Variants in SLC24A3 observed in about 807,000 individuals in gnomAD.
The protein encoded by SLC24A3 is solute carrier family 24 member 3.
SLC24A3 carries 28 observed loss-of-function variants against 75.8 expected under a neutral mutation model. That is an observed-to-expected ratio of 0.37 (90% CI 0.27 to 0.51). SLC24A3 has a LOEUF of 0.51. Among genes scored for constraint, SLC24A3 ranks in the 20% least tolerant of loss-of-function variants. SLC24A3 has a pLI of 0.94. For missense variants in SLC24A3, 663 were observed against 847.8 expected, an observed-to-expected ratio of 0.78 and a Z score of 2.71; for synonymous variants, 372 against 334.1, an observed-to-expected ratio of 1.11 and a Z score of -1.24.
At chr20:19,678,210 A>G (rs1190491607) in intron 9 of SLC24A3, among the ~76,000 whole-genome samples, 1 of 150,696 alleles carries the variant, frequency 6.6e-6, no homozygotes, top group Non-Finnish European at 1.5e-5. Flanking sequence ...CCCGTTCTCA[A>G]TGAGCTGTTG....
At chr20:19,314,517 G>A (rs948582998) in intron 2 of SLC24A3, among the ~76,000 whole-genome samples, 7 of 151,950 alleles carry the variant, frequency 4.6e-5, no homozygotes, top group Non-Finnish European at 8.8e-5. Context: ...GTTTCACCAT[G>A]TTACCTAGGC....
At chr20:19,392,065 T>G (rs1227757015) in intron 2 of SLC24A3, among the ~76,000 whole-genome samples, 1 of 152,194 alleles carries the variant, frequency 6.6e-6, no homozygotes, top group Non-Finnish European at 1.5e-5. Context: ...TGCCTAGGTG[T>G]CGGGGGCACA....
intron 2 of SLC24A3, among the ~76,000 whole-genome samples, chr20:19,305,427 A>G (rs1984301236): frequency 6.6e-6 from 1 of 151,958 alleles, no homozygotes; most frequent in African/African-American, 2.4e-5. Flanking sequence ...ATCACATGCT[A>G]AGAGTGAATG....
At chr20:19,451,882 A>C (rs1213319124) in intron 2 of SLC24A3, among the ~76,000 whole-genome samples, 2 of 152,184 alleles carry the variant, frequency 1.3e-5, no homozygotes, top group Non-Finnish European at 2.9e-5. Flanking sequence ...TTCCCCTAGC[A>C]GTGCTAGAAA....
intron 2 of SLC24A3, among the ~76,000 whole-genome samples, chr20:19,432,737 A>T (rs1211694469): frequency 6.6e-6 from 1 of 152,174 alleles, no homozygotes; most frequent in Admixed American, 6.5e-5. Context: ...TTATAGCCAG[A>T]TGTATTATTA....
intron 1 of SLC24A3, among the ~76,000 whole-genome samples, chr20:19,235,567 C>G (rs1254876472): frequency 2.0e-5 from 3 of 152,190 alleles, no homozygotes; most frequent in African/African-American, 7.2e-5. Flanking sequence ...CACAGCGTCT[C>G]TCCCATGGCT....
chr20:19,433,406 A>G (rs549525156), intron 2 of SLC24A3, among the ~76,000 whole-genome samples: 1 of 152,314 alleles, frequency 6.6e-6, no homozygotes, highest in Non-Finnish European at 1.5e-5. Flanking sequence ...TGTTGTTTGA[A>G]TGAGGCAGTG....
rs143249925 is a variant in SLC24A3, at chr20:19,550,838, G to A, written c.349-29162G>A. ...GCATGACCCATTAAGGAACCATATT[G>A]AAGAAATGTAAAGCCAGGCAGTAAT... On this transcript the variant is annotated intron_variant, in intron 3 of 16. Coordinates refer to ENST00000328041, the MANE Select transcript of SLC24A3 (RefSeq NM_020689.4). Among the ~76,000 whole-genome samples the A allele has an allele frequency of 5.4e-4, 83 of 152,306 alleles. 2 individuals carry two copies. In the East Asian group the frequency reaches 0.015, roughly 28 times the overall value.
chr20:19,521,049 A>G (rs1479008352), intron 3 of SLC24A3, among the ~76,000 whole-genome samples: 1 of 152,060 alleles, frequency 6.6e-6, no homozygotes, highest in Non-Finnish European at 1.5e-5. Flanking sequence ...TTTCAGGTCC[A>G]CTGTCTATTT....
chr20:19,664,145 C>T (rs2032370495), intron 7 of SLC24A3, among the ~76,000 whole-genome samples: 1 of 152,206 alleles, frequency 6.6e-6, no homozygotes, highest in South Asian at 2.1e-4. Flanking sequence ...GCTGCAAGGA[C>T]TAATATTGAA....
intron 6 of SLC24A3, among the ~76,000 whole-genome samples, chr20:19,631,791 A>AGTGTGT (rs148278633): frequency 0.027 from 4,005 of 147,884 alleles, 79 homozygotes; most frequent in Middle Eastern, 0.069. Flanking sequence ...TATGAGTGAG[A>AGTGTGT]GTGTGTGTGT....
chr20:19,227,043 G>A (rs910767140), intron 1 of SLC24A3, among the ~76,000 whole-genome samples: 7 of 152,138 alleles, frequency 4.6e-5, no homozygotes, highest in South Asian at 2.1e-4. Flanking sequence ...AGGCTCACAC[G>A]TACTATCATG....
At chr20:19,650,528 C>T (rs1245646856) in intron 6 of SLC24A3, among the ~76,000 whole-genome samples, 2 of 152,158 alleles carry the variant, frequency 1.3e-5, no homozygotes, top group African/African-American at 4.8e-5. Flanking sequence ...CTGATATTTG[C>T]TCAACATCTC....
rs1350262507 is a variant in SLC24A3 at position 19,320,028 on chromosome 20, G to A, written c.271+38941G>A. 3.9e-5 allele frequency among the ~76,000 whole-genome samples: 6 copies of A among 152,162 alleles called. No homozygotes were observed. In the East Asian group the frequency reaches 1.2e-3, roughly 29 times the overall value. On this transcript the variant is annotated intron_variant, in intron 2 of 16. Transcript: ENST00000328041. ...TTCTCAGCAGCTGCAGCATGGATGG[G>A]GAAAGCTGGATCCATACAGCTTGCT...
chr20:19,594,138 G>A (rs1241532117), intron 6 of SLC24A3, among the ~76,000 whole-genome samples: 2 of 152,308 alleles, frequency 1.3e-5, no homozygotes, highest in South Asian at 2.1e-4. Flanking sequence ...TGGTAAAAGG[G>A]CACACAGGAC....
At position 19,264,056 on chromosome 20, in the gene SLC24A3, T is replaced by TA. The variant is rs369171233; in HGVS notation, c.143-16889dup. ...GGGCAACATAGTGAAATCCCATCTC[T>TA]AAAAAAAAAAAAAATGCTTACTGTG... On this transcript the variant is annotated intron_variant, in intron 1 of 16. Transcript: ENST00000328041. 925 of 122,290 alleles carry TA rather than the reference T, an allele frequency of 7.6e-3. 6 individuals are homozygous for TA. The highest frequency in any genetic ancestry group is 0.017 in the African/African-American group (576 of 33,216). The allele number at this position is 122,290 out of a possible 1,614,324, so 7.6% of individuals were successfully genotyped here.
intron 2 of SLC24A3, among the ~76,000 whole-genome samples, chr20:19,338,618 T>A (rs1985193405): frequency 6.6e-6 from 1 of 152,188 alleles, no homozygotes; most frequent in African/African-American, 2.4e-5. Flanking sequence ...TGTTGAGATG[T>A]ATGAGGCATT....
At chr20:19,601,767 G>C (rs1237503664) in intron 6 of SLC24A3, among the ~76,000 whole-genome samples, 2 of 152,272 alleles carry the variant, frequency 1.3e-5, no homozygotes, top group South Asian at 2.1e-4. Flanking sequence ...AGCTGGCTCT[G>C]GTCTGCAGTG....
intron 2 of SLC24A3, among the ~76,000 whole-genome samples, chr20:19,380,395 G>A (rs954621396): frequency 4.6e-5 from 7 of 152,168 alleles, no homozygotes; most frequent in Admixed American, 6.5e-5. Context: ...TAAGGAGGCC[G>A]GGCCTGATTT....
Sources: gnomAD v4.1 joint callset for allele counts (sites outside exome capture counted in the v4.1 genomes callset) on GRCh38, gnomAD v4.1.1 for gene constraint, MANE v1.5 for transcripts, NCBI Gene and HGNC (gene_info 2026-07-23, HGNC 2026-07-21) for gene names.